Variants in NR3C1 observed in about 807,000 individuals in gnomAD.
NR3C1 encodes the protein glucocorticoid receptor.
A neutral mutation model predicts 74.0 loss-of-function variants in NR3C1; 14 were observed. That is an observed-to-expected ratio of 0.19 (90% CI 0.12 to 0.30). The LOEUF is 0.30. Among genes scored for constraint, NR3C1 ranks in the 10% least tolerant of loss-of-function variants. NR3C1 has a pLI of 1.00. For missense variants in NR3C1, 695 were observed against 909.8 expected (o/e 0.76, Z 3.04); for synonymous variants, 308 against 332.5 (o/e 0.93, Z 0.80).
rs1432895850 is a variant in NR3C1 at position 143,300,299 on chromosome 5, G to A, written c.1747+186C>T. 6.6e-6 allele frequency among the ~76,000 whole-genome samples: 1 copy of A among 152,126 alleles called. No individual in the cohort carries two copies. The highest frequency in any genetic ancestry group is 1.5e-5 in the Non-Finnish European group (1 of 68,028). ...TGTGCATAATGATTTGAAAAGCAGGGAGTAATGTAAATGTTTTATTATAAA... is the reference window on the plus strand; with the variant it reads ...TGTGCATAATGATTTGAAAAGCAGGAAGTAATGTAAATGTTTTATTATAAA... On this transcript the variant is annotated intron_variant, in intron 5 of 8. Transcript: ENST00000394464. This position sits in a 1 kb window ranked among gnomAD's most constrained non-coding sequence, Gnocchi z 5.2.
At position 143,279,088 on chromosome 5, in the gene NR3C1, T is replaced by G. The variant is rs750245352; in HGVS notation, c.*2801A>C. 1 of 417,554 alleles carries G rather than the reference T, an allele frequency of 2.4e-6. No individual in the cohort carries two copies. The highest frequency in any genetic ancestry group is 4.2e-6 in the Non-Finnish European group (1 of 237,068). 25.9% of individuals were successfully genotyped at this position (417,554 alleles called of 1,614,324 possible). On this transcript the variant is annotated 3_prime_UTR_variant, in exon 9 of 9. Coordinates refer to ENST00000394464, the MANE Select transcript of NR3C1 (RefSeq NM_000176.3). ...GAAGTTACTACAAACTTCAACAGTT[T>G]GGGTTGGGATGGCCAGATAACACAT...
chr5:143,401,448 T>A (rs1473303162), intron 1 of NR3C1: 1 of 157,710 alleles, frequency 6.3e-6, no homozygotes, highest in Non-Finnish European at 1.4e-5. Context: ...ACAATGCTGA[T>A]CTGCTTATCT....
At chr5:143,293,964 T>C (rs1321290787) in intron 7 of NR3C1, 67 of 985,152 alleles carry the variant, frequency 6.8e-5, no homozygotes, top group Non-Finnish European at 7.8e-5. Context: ...TTTATGTAAC[T>C]GCTTAATCAC....
intron 1 of NR3C1, among the ~76,000 whole-genome samples, chr5:143,433,458 A>G (rs534433448): frequency 1.4e-5 from 2 of 146,186 alleles, no homozygotes; most frequent in African/African-American, 5.0e-5. Context: ...TAAATTATAT[A>G]TATATATATA....
intron 2 of NR3C1, among the ~76,000 whole-genome samples, chr5:143,352,620 G>A (rs1283221840): frequency 6.6e-6 from 1 of 152,148 alleles, no homozygotes; most frequent in Admixed American, 6.5e-5. Context: ...AACAAAGCAA[G>A]TCAGACGAAT....
At chr5:143,431,401 A>G (rs1751812857) in intron 1 of NR3C1, among the ~76,000 whole-genome samples, 1 of 152,118 alleles carries the variant, frequency 6.6e-6, no homozygotes, top group African/African-American at 2.4e-5. Flanking sequence ...CAATAAGAAA[A>G]ATTGGTGTTA....
chr5:143,303,251 G>A (rs1211464843), intron 4 of NR3C1, among the ~76,000 whole-genome samples: 1 of 139,614 alleles, frequency 7.2e-6, no homozygotes, highest in Non-Finnish European at 1.6e-5. Flanking sequence ...GTGGGTGGGG[G>A]GGCGGGTGGA....
chr5:143,380,275 C>G (rs971386421), intron 2 of NR3C1, among the ~76,000 whole-genome samples: 5 of 152,276 alleles, frequency 3.3e-5, no homozygotes, highest in African/African-American at 1.2e-4. Context: ...CAAGAATTTG[C>G]TAGGTGCTTT....
intron 2 of NR3C1, among the ~76,000 whole-genome samples, chr5:143,319,591 G>A (rs758566010): frequency 6.6e-5 from 10 of 152,170 alleles, no homozygotes; most frequent in African/African-American, 1.4e-4. Flanking sequence ...TTGCTCTCTA[G>A]GAGACATTTG....
intron 2 of NR3C1, among the ~76,000 whole-genome samples, 193 bp downstream of exon 2, chr5:143,399,463 A>G (rs1192804798): frequency 6.6e-6 from 1 of 152,196 alleles, no homozygotes; most frequent in Admixed American, 6.5e-5. Flanking sequence ...TATTTAAGGA[A>G]AAAACCTGAA....
chr5:143,409,110 T>C (rs1841210929), intron 1 of NR3C1: 1 of 152,176 alleles, frequency 6.6e-6, no homozygotes. Context: ...GGGAGCAGAA[T>C]CGTGTGAAGT....
intron 2 of NR3C1, among the ~76,000 whole-genome samples, chr5:143,360,838 A>C (rs1366784137): frequency 6.6e-6 from 1 of 152,206 alleles, no homozygotes; most frequent in Non-Finnish European, 1.5e-5. Flanking sequence ...ATACATGTAA[A>C]TACACAGCCA....
rs550894575 is a variant in NR3C1 at position 143,393,660 on chromosome 5, A to G, written c.1184+5996T>C. ...GATAACATAAAGTAAAACAGTGTCC[A>G]TAACAAACTGGTAGAGCTTTAGTGT... On this transcript the variant is annotated intron_variant, in intron 2 of 8. Coordinates refer to ENST00000394464, the MANE Select transcript of NR3C1 (RefSeq NM_000176.3). 5.9e-5 allele frequency among the ~76,000 whole-genome samples: 9 copies of G among 152,258 alleles called. No homozygotes were observed. In the East Asian group the frequency reaches 1.2e-3, roughly 20 times the overall value.
intron 1 of NR3C1, among the ~76,000 whole-genome samples, chr5:143,417,953 G>A (rs1313298782): frequency 1.3e-5 from 2 of 152,152 alleles, no homozygotes; most frequent in African/African-American, 4.8e-5. Flanking sequence ...ACATCCAGCT[G>A]AGCATGCTCA....
At chr5:143,305,734 G>T (rs556041971) in intron 4 of NR3C1, among the ~76,000 whole-genome samples, 3 of 152,218 alleles carry the variant, frequency 2.0e-5, no homozygotes, top group South Asian at 2.1e-4. Flanking sequence ...AAATACAAGA[G>T]GGGGGATAGA....
chr5:143,401,885 T>C (rs1840349709), intron 1 of NR3C1, among the ~76,000 whole-genome samples: 1 of 152,268 alleles, frequency 6.6e-6, no homozygotes, highest in Non-Finnish European at 1.5e-5. Context: ...AACCTTCACC[T>C]ATCCCAATTC....
At chr5:143,336,120 A>G (rs1827075310) in intron 2 of NR3C1, among the ~76,000 whole-genome samples, 3 of 152,270 alleles carry the variant, frequency 2.0e-5, no homozygotes, top group Admixed American at 2.0e-4. Flanking sequence ...TTGAGGACAT[A>G]GCTATAAAGC....
At chr5:143,302,936 A>T (rs1398544859) in intron 4 of NR3C1, among the ~76,000 whole-genome samples, 1 of 152,072 alleles carries the variant, frequency 6.6e-6, no homozygotes, top group Non-Finnish European at 1.5e-5. Context: ...TGGTAACACT[A>T]CTTCCTTCTT....
At position 143,403,608 on chromosome 5, in the gene NR3C1, G is replaced by A. The variant is rs1036490897; in HGVS notation, c.-411C>T. The A allele has an allele frequency of 1.8e-5, 18 of 985,794 alleles. No homozygotes were observed. The highest frequency in any genetic ancestry group is 6.1e-5 in the Admixed American group (1 of 16,276). 61.1% of individuals were successfully genotyped at this position (985,794 alleles called of 1,614,324 possible). On this transcript the variant is annotated 5_prime_UTR_variant, in exon 1 of 9. Coordinates refer to ENST00000394464, the MANE Select transcript of NR3C1 (RefSeq NM_000176.3). ...AAAATGGAGGAGGCGGCGGCGGAGG[G>A]AAGAGAGCGCGGACACGCGAAAGGG...
Sources: allele counts gnomAD v4.1 joint callset (sites outside exome capture counted in the v4.1 genomes callset), GRCh38; gene constraint gnomAD v4.1.1; non-coding constraint Gnocchi (gnomAD v3.1); transcripts MANE v1.5; gene names NCBI Gene and HGNC (gene_info 2026-07-23, HGNC 2026-07-21).